Variants in STAB2 observed in about 807,000 individuals in gnomAD.
STAB2 encodes stabilin 2.
STAB2 carries 288 observed loss-of-function variants against 338.1 expected under a neutral mutation model. The observed-to-expected ratio is 0.85, with a 90% CI of 0.77 to 0.94. STAB2 has a LOEUF of 0.94. Among genes scored for constraint, STAB2 ranks in the 40% least tolerant of loss-of-function variants. The pLI is 0.00. For synonymous variants in STAB2, 1,202 were observed against 1,193.3 expected, an observed-to-expected ratio of 1.01 and a Z score of -0.15; for missense variants, 3,141 against 3,210.1, an observed-to-expected ratio of 0.98 and a Z score of 0.52.
intron 67 of STAB2, 35 bp downstream of exon 67, chr12:103,762,437 C>G: frequency 6.2e-7 from 1 of 1,613,900 alleles, no homozygotes; most frequent in Non-Finnish European, 8.5e-7. Context: ...ATGATGGGGT[C>G]CTCTCCAAAA....
intron 17 of STAB2, among the ~76,000 whole-genome samples, chr12:103,662,544 G>A (rs10778272): frequency 0.35 from 53,543 of 152,070 alleles, 10,031 homozygotes; most frequent in East Asian, 0.47. Context: ...AAGAATTTGC[G>A]CAAGGTCTCA....
chr12:103,587,361 A>G lies in STAB2; in HGVS notation c.-116A>G. The G allele has an allele frequency of 2.3e-6, 2 of 859,654 alleles. No homozygotes were observed. Among genetic ancestry groups the G allele is most frequent in the Non-Finnish European group, 3.7e-6 (2 of 546,638 alleles). 53.3% of individuals were successfully genotyped at this position (859,654 alleles called of 1,614,324 possible). A position where few individuals can be genotyped will look rare whatever the true frequency, so the allele number is the denominator to read the frequency against. ...GATCTAGGAAAAAGGAAAGGAAGGG[A>G]TTTAAAAGTAAACAGTGAAATGAGA... On this transcript the variant is annotated 5_prime_UTR_variant, in exon 1 of 69. Coordinates refer to ENST00000388887, the MANE Select transcript of STAB2 (RefSeq NM_017564.10).
At chr12:103,697,990 C>T (rs975385146) in intron 33 of STAB2, among the ~76,000 whole-genome samples, 3 of 152,062 alleles carry the variant, frequency 2.0e-5, no homozygotes, top group African/African-American at 4.8e-5. Context: ...GTCTTATGAG[C>T]GGAGAGGGCA....
Position 103,766,565 on chromosome 12 carries a change from TTC to T in STAB2, c.*230_*231del. The T allele has an allele frequency of 1.9e-6, 1 of 520,070 alleles. No individual in the cohort carries two copies. Among genetic ancestry groups the T allele is most frequent in the Non-Finnish European group, 3.5e-6 (1 of 288,604 alleles). 32.2% of individuals were successfully genotyped at this position (520,070 alleles called of 1,614,324 possible). ...CTTTGGCTCTTCTTCCTTTGTACTC[TTC>T]AGCTGGCACCTGCTCCATTCTGCCC... is the stretch of plus-strand genomic sequence containing the variant. On this transcript the variant is annotated 3_prime_UTR_variant, in exon 69 of 69. Transcript: ENST00000388887.
At chr12:103,754,640 G>T in intron 61 of STAB2, among the ~76,000 whole-genome samples, 1 of 152,080 alleles carries the variant, frequency 6.6e-6, no homozygotes, top group Admixed American at 6.6e-5. Flanking sequence ...GAGCAATGAT[G>T]ATATTATGAT....
At chr12:103,707,533 G>A (rs1258588240) in intron 38 of STAB2, among the ~76,000 whole-genome samples, 1 of 152,162 alleles carries the variant, frequency 6.6e-6, no homozygotes, top group East Asian at 1.9e-4. Context: ...CTTTACCTGA[G>A]GGTTGCTCTA....
intron 63 of STAB2, among the ~76,000 whole-genome samples, chr12:103,757,010 T>TATATATATATATATATAG (rs1884167095): frequency 7.3e-6 from 1 of 137,550 alleles, no homozygotes; most frequent in Admixed American, 7.4e-5. Context: ...TATATATATA[T>TATATATATATATATATAG]ATATATATAT....
intron 34 of STAB2, among the ~76,000 whole-genome samples, chr12:103,699,675 T>A (rs371477772): frequency 1.3e-5 from 2 of 152,256 alleles, no homozygotes; most frequent in African/African-American, 4.8e-5. Flanking sequence ...CATGTCAACT[T>A]CCATATTGGG....
At chr12:103,587,626 C>T (rs575770322) in intron 1 of STAB2, 69 bp downstream of exon 1, 12 of 1,345,674 alleles carry the variant, frequency 8.9e-6, no homozygotes, top group Admixed American at 3.7e-5. Flanking sequence ...TTGTCGTTTT[C>T]CTCTGTTGTT....
At chr12:103,712,204 G>A (rs1274729393) in intron 40 of STAB2, among the ~76,000 whole-genome samples, 163 bp from the exon 41 acceptor site, 1 of 152,148 alleles carries the variant, frequency 6.6e-6, no homozygotes. Context: ...TGCTTGTGGT[G>A]GGGTTATGCC....
At chr12:103,705,826 G>A (rs2138978550) in intron 37 of STAB2, 99 bp downstream of exon 37, 1 of 1,105,536 alleles carries the variant, frequency 9.0e-7, no homozygotes, top group East Asian at 2.5e-5. Flanking sequence ...TATGCTTTCT[G>A]CCATCTCCTC....
At chr12:103,607,228 T>A (rs567981305) in intron 3 of STAB2, among the ~76,000 whole-genome samples, 62 of 152,038 alleles carry the variant, frequency 4.1e-4, no homozygotes, top group African/African-American at 1.4e-3. Flanking sequence ...TTGGCCACAT[T>A]TTTTTTTCAA....
At chr12:103,603,153 C>A (rs944745147) in intron 3 of STAB2, among the ~76,000 whole-genome samples, 1 of 152,164 alleles carries the variant, frequency 6.6e-6, no homozygotes, top group South Asian at 2.1e-4. Context: ...TCACTGCAAG[C>A]TCTGCCTCCC....
chr12:103,658,285 C>T (rs1481144384), intron 15 of STAB2, among the ~76,000 whole-genome samples: 1 of 152,060 alleles, frequency 6.6e-6, no homozygotes, highest in Non-Finnish European at 1.5e-5. Flanking sequence ...AGTGAGTGCC[C>T]TCATAAAAGA....
chr12:103,677,379 ATTCTCTC>A, intron 24 of STAB2, 67 bp from the exon 25 acceptor site: 2 of 1,282,004 alleles, frequency 1.6e-6, no homozygotes, highest in Non-Finnish European at 2.2e-6. Flanking sequence ...ATGTCTGGAA[ATTCTCTC>A]TTATTTTTGG....
Position 103,712,411 on chromosome 12 carries a change from C to T in STAB2, c.4379C>T (p.Ala1460Val), listed in dbSNP as rs769587998. ...GGTACAGCTTCATGCAAGTGTGCAG[C>T]AGGATTCCAAGGAAACGGGACCATC... ...SDGTASCKCA[A>V]GFQGNGTICT... is the part of the protein sequence containing the mutation. Residue 1460 changes from alanine to valine, a missense_variant, in exon 41 of 69, where the codon GCA (alanine) becomes GTA (valine). Ala to Val is a moderately conservative substitution (Grantham distance 64). Coordinates refer to ENST00000388887, the MANE Select transcript of STAB2 (RefSeq NM_017564.10). The T allele has an allele frequency of 2.5e-6, 4 of 1,613,944 alleles. No homozygotes were observed. Among genetic ancestry groups the T allele is most frequent in the Non-Finnish European group, 2.5e-6 (3 of 1,179,966 alleles).
chr12:103,684,237 G>A (rs967213869), intron 26 of STAB2, among the ~76,000 whole-genome samples: 3 of 152,090 alleles, frequency 2.0e-5, no homozygotes, highest in Non-Finnish European at 2.9e-5. Flanking sequence ...CCATGTCCCC[G>A]TTCAAAATCA....
At chr12:103,630,631 T>A (rs1414225244) in intron 5 of STAB2, among the ~76,000 whole-genome samples, 1 of 152,048 alleles carries the variant, frequency 6.6e-6, no homozygotes, top group South Asian at 2.1e-4. Context: ...TTGTTATAAG[T>A]GGATGAGAAA....
chr12:103,684,378 G>A (rs1877204486), intron 26 of STAB2, among the ~76,000 whole-genome samples: 1 of 152,178 alleles, frequency 6.6e-6, no homozygotes, highest in African/African-American at 2.4e-5. Context: ...GCAGGGTGGG[G>A]CGTGGGGGAC....
Sources: allele counts gnomAD v4.1 joint callset (sites outside exome capture counted in the v4.1 genomes callset), GRCh38; gene constraint gnomAD v4.1.1; transcripts MANE v1.5; gene names NCBI Gene and HGNC (gene_info 2026-07-23, HGNC 2026-07-21).